Variants in RERGL observed in about 807,000 individuals in gnomAD.
RERGL encodes RERG like.
RERGL carries 22 observed loss-of-function variants against 24.7 expected under a neutral mutation model. The observed-to-expected ratio is 0.89, with a 90% CI of 0.64 to 1.27. The LOEUF (loss-of-function observed/expected upper bound fraction) is 1.27. Ranked by LOEUF, RERGL falls within the 50% of genes most tolerant of loss-of-function variation. The pLI is 0.00. For missense variants in RERGL, 259 were observed against 235.3 expected, an observed-to-expected ratio of 1.10 and a Z score of -0.66; for synonymous variants, 76 against 82.6, an observed-to-expected ratio of 0.92 and a Z score of 0.43.
chr12:18,081,537 A>C (rs1947172746), intron 4 of RERGL, 64 bp from the exon 5 acceptor site: 7 of 1,374,380 alleles, frequency 5.1e-6, no homozygotes, highest in Middle Eastern at 1.9e-4. Context: ...TAAAAAAAAA[A>C]AAAAAACAGA....
At chr12:18,083,846 T>G (rs2136827841) in intron 4 of RERGL, among the ~76,000 whole-genome samples, 1 of 152,212 alleles carries the variant, frequency 6.6e-6, no homozygotes, top group South Asian at 2.1e-4. Context: ...CAAAAATAAA[T>G]ACTTTCAATG....
chr12:18,086,215 C>T (rs1316365519), intron 2 of RERGL, among the ~76,000 whole-genome samples: 1 of 151,884 alleles, frequency 6.6e-6, no homozygotes, highest in African/African-American at 2.4e-5. Context: ...TCTATATTCA[C>T]CTACATACCT....
chr12:18,088,835 C>T (rs1947243308), intron 2 of RERGL, 65 bp downstream of exon 2: 1 of 1,001,680 alleles, frequency 1.0e-6, no homozygotes, highest in South Asian at 1.3e-5. Flanking sequence ...CATCTCTGTA[C>T]TTAAGTGGGA....
Position 18,081,417 on chromosome 12 carries a change from C to T in RERGL, c.389G>A (p.Arg130Gln), listed in dbSNP as rs1351844022. 13 of 1,613,874 alleles carry T rather than the reference C, an allele frequency of 8.1e-6. No individual in the cohort carries two copies. Among genetic ancestry groups the T allele is most frequent in the South Asian group, 1.1e-5 (1 of 91,060 alleles). ...TTGCCCTTCTTCCCAGCCAACCTCT[C>T]GCACATGACAAAGATCTCGTTTGTT... Reference protein sequence around the residue: ...VGNKRDLCHVREVGWEEGQKL... With the variant: ...VGNKRDLCHVQEVGWEEGQKL... The change falls in exon 5 of 5, where the codon CGA becomes CAA. Residue 130 changes from arginine to glutamine, a missense_variant. Transcript: ENST00000538724.
intron 4 of RERGL, among the ~76,000 whole-genome samples, chr12:18,082,319 A>G (rs953185459): frequency 1.3e-5 from 2 of 152,068 alleles, no homozygotes; most frequent in Admixed American, 1.3e-4. Flanking sequence ...ACAACACACA[A>G]TGGTGCCTAT....
chr12:18,081,592 T>C lies in RERGL; in HGVS notation c.333-119A>G, dbSNP rs1591708956. ...AAATCAAAAAAGAAAAAATATTGTG[T>C]GTATGTTACTTATGGTCATGTGTGT... On this transcript the variant is annotated intron_variant, in intron 4 of 4. Transcript: ENST00000538724. The C allele has an allele frequency of 1.2e-5, 11 of 918,608 alleles. No homozygotes were observed. The Middle Eastern group carries it at 2.1e-3, about 178-fold the overall frequency. The allele number at this position is 918,608 out of a possible 1,614,324, so 56.9% of individuals were successfully genotyped here. A position where few individuals can be genotyped will look rare whatever the true frequency, so the allele number is the denominator to read the frequency against.
chr12:18,086,165 G>A (rs995129177), intron 2 of RERGL, among the ~76,000 whole-genome samples: 4 of 151,480 alleles, frequency 2.6e-5, no homozygotes, highest in Non-Finnish European at 5.9e-5. Flanking sequence ...GAGCCACCGC[G>A]CCCAGCCAAT....
At chr12:18,082,629 T>G (rs1026246456) in intron 4 of RERGL, among the ~76,000 whole-genome samples, 16 of 152,216 alleles carry the variant, frequency 1.1e-4, no homozygotes, top group African/African-American at 3.9e-4. Flanking sequence ...CTAAGTATTG[T>G]TTTTCATGTT....
intron 2 of RERGL, among the ~76,000 whole-genome samples, chr12:18,087,287 G>A (rs1369264604): frequency 6.6e-6 from 1 of 152,106 alleles, no homozygotes; most frequent in Non-Finnish European, 1.5e-5. Flanking sequence ...ATCTCTCAGA[G>A]GATTAGGGTT....
intron 4 of RERGL, among the ~76,000 whole-genome samples, chr12:18,084,129 G>C (rs182810918): frequency 6.6e-6 from 1 of 152,212 alleles, no homozygotes; most frequent in African/African-American, 2.4e-5. Flanking sequence ...ACTAGGAATT[G>C]GATTTCATGT....
At chr12:18,083,919 TTGATCTAC>T (rs1947195062) in intron 4 of RERGL, among the ~76,000 whole-genome samples, 1 of 152,186 alleles carries the variant, frequency 6.6e-6, no homozygotes, top group Admixed American at 6.5e-5. Context: ...TGCTTAAACT[TTGATCTAC>T]TAATGAAACA....
At chr12:18,087,224 C>T (rs1483880784) in intron 2 of RERGL, among the ~76,000 whole-genome samples, 6 of 152,106 alleles carry the variant, frequency 3.9e-5, no homozygotes, top group African/African-American at 1.4e-4. Flanking sequence ...TAAAAGTGAA[C>T]CTTGTGGCCA....
At chr12:18,083,089 T>A (rs12302221) in intron 4 of RERGL, among the ~76,000 whole-genome samples, 16,982 of 152,106 alleles carry the variant, frequency 0.11, 947 homozygotes, top group Middle Eastern at 0.18. Flanking sequence ...GTGGTGAACT[T>A]TTAAAAATGT....
chr12:18,087,034 T>C (rs1257676040), intron 2 of RERGL, among the ~76,000 whole-genome samples: 1 of 152,254 alleles, frequency 6.6e-6, no homozygotes, highest in Non-Finnish European at 1.5e-5. Context: ...AATTCCTTTT[T>C]AGTCTACCTT....
In RERGL at chr12:18,081,284, G is replaced by A. The variant is rs776243362; in HGVS notation, c.522C>T (p.Asn174=). 1.2e-6 allele frequency: 2 copies of A among 1,613,540 alleles called. No individual in the cohort carries two copies. The highest frequency in any genetic ancestry group is 1.7e-6 in the Non-Finnish European group (2 of 1,179,844). Residue 174 remains asparagine, a synonymous_variant, in exon 5 of 5, where the codon AAC becomes AAT. Transcript: ENST00000538724. ...FIRIIKDILI[N]FKLKEKRRPS... ...GACGTCTCTTTTCTTTGAGTTTGAA[G>A]TTTATCAGGATGTCCTTGATAATTC...
chr12:18,086,767 C>T (rs1275260613), intron 2 of RERGL, among the ~76,000 whole-genome samples: 1 of 152,154 alleles, frequency 6.6e-6, no homozygotes, highest in Non-Finnish European at 1.5e-5. Context: ...ATGAACCCAA[C>T]TTATGTCTGA....
chr12:18,082,298 CAT>C (rs1283304698), intron 4 of RERGL, among the ~76,000 whole-genome samples: 1 of 152,014 alleles, frequency 6.6e-6, no homozygotes, highest in Non-Finnish European at 1.5e-5. Context: ...CATATGGACA[CAT>C]AGAGGGGAAC....
chr12:18,085,953 GT>G (rs1239117325), intron 2 of RERGL, among the ~76,000 whole-genome samples: 1 of 149,830 alleles, frequency 6.7e-6, no homozygotes, highest in African/African-American at 2.5e-5. Flanking sequence ...CGCCTCCTGG[GT>G]TCACGCCGTT....
At chr12:18,085,760 A>C in intron 2 of RERGL, 67 bp from the exon 3 acceptor site, 1 of 862,508 alleles carries the variant, frequency 1.2e-6, no homozygotes, top group Non-Finnish European at 1.9e-6. Flanking sequence ...AAATTCAACC[A>C]CTCACATTTT....
Sources: gnomAD v4.1 joint callset for allele counts (sites outside exome capture counted in the v4.1 genomes callset) on GRCh38, gnomAD v4.1.1 for gene constraint, MANE v1.5 for transcripts, NCBI Gene and HGNC (gene_info 2026-07-23, HGNC 2026-07-21) for gene names.